Variants in BNC1 observed in about 807,000 individuals in gnomAD.
The protein encoded by BNC1 is zinc finger protein basonuclin-1.
Under a neutral mutation model 66.5 loss-of-function variants are expected in BNC1, and 8 were observed. The observed-to-expected ratio is 0.12, with a 90% CI of 0.07 to 0.22. The LOEUF (loss-of-function observed/expected upper bound fraction) is 0.22, where lower values mean the gene tolerates loss of function less well. Among genes scored for constraint, BNC1 ranks in the 10% least tolerant of loss-of-function variants. The pLI is 1.00. For missense variants in BNC1, 1,069 were observed against 1,241.3 expected, an observed-to-expected ratio of 0.86 and a Z score of 2.09; for synonymous variants, 454 against 452.6, an observed-to-expected ratio of 1.00 and a Z score of -0.04.
chr15:83,264,632 A>G lies in BNC1; in HGVS notation c.619T>C (p.Phe207Leu). The G allele has an allele frequency of 6.2e-7, 1 of 1,614,126 alleles. No homozygotes were observed. Among genetic ancestry groups the G allele is most frequent in the Non-Finnish European group, 8.5e-7 (1 of 1,180,010 alleles). ...CTCCTGTGACTGCAGCTCTCGATGA[A>G]AGCCCTGATATCTACATTTGCTGTG... ...PSTANVDIRA[F>L]IESCSHRSSS... is the part of the protein sequence containing the mutation. The change falls in exon 4 of 5, where the codon TTC (phenylalanine) becomes CTC (leucine). Residue 207 changes from phenylalanine (F) to leucine (L), a missense_variant. Transcript: ENST00000345382.
intron 1 of BNC1, among the ~76,000 whole-genome samples, chr15:83,275,509 A>AAAC (rs2038311757): frequency 6.6e-6 from 1 of 151,510 alleles, no homozygotes; most frequent in Non-Finnish European, 1.5e-5. Context: ...AAAAAAAAAA[A>AAAC]CTAAGAAGAA....
intron 1 of BNC1, among the ~76,000 whole-genome samples, chr15:83,280,347 G>A (rs1403665838): frequency 4.6e-5 from 7 of 152,078 alleles, no homozygotes; most frequent in South Asian, 2.1e-4. Flanking sequence ...GGAACTTTCC[G>A]AACATAGTTG....
Position 83,256,279 on chromosome 15 carries a change from G to A in BNC1, c.*1163C>T, listed in dbSNP as rs1375237705. On this transcript the variant is annotated 3_prime_UTR_variant, in exon 5 of 5. Coordinates refer to ENST00000345382, the MANE Select transcript of BNC1 (RefSeq NM_001717.4). ...TGCAAATGCTGAATTTTAGGAGATGGTTTCATTCCACAGGACTGACTGAAC... is the reference window on the plus strand; with the variant it reads ...TGCAAATGCTGAATTTTAGGAGATGATTTCATTCCACAGGACTGACTGAAC... The A allele has an allele frequency of 6.6e-6, 1 of 152,614 alleles. No homozygotes were observed. Among genetic ancestry groups the A allele is most frequent in the East Asian group, 1.9e-4 (1 of 5,198 alleles). 9.5% of individuals were successfully genotyped at this position (152,614 alleles called of 1,614,324 possible). A position where few individuals can be genotyped will look rare whatever the true frequency, so the allele number is the denominator to read the frequency against.
chr15:83,274,150 C>T (rs1259732490), intron 1 of BNC1, among the ~76,000 whole-genome samples: 2 of 151,976 alleles, frequency 1.3e-5, no homozygotes, highest in Non-Finnish European at 2.9e-5. Context: ...TTTGGGAGGC[C>T]GAGGTGGGTG....
chr15:83,283,231 G>C (rs2038401007), intron 1 of BNC1: 1 of 1,535,548 alleles, frequency 6.5e-7, no homozygotes, highest in African/African-American at 1.4e-5. Flanking sequence ...GTTTGGCTCG[G>C]AGCTACGCGC....
chr15:83,263,707 G>C lies in BNC1; in HGVS notation c.1544C>G (p.Ser515Cys). 6.2e-7 allele frequency: 1 copy of C among 1,614,216 alleles called. No individual in the cohort carries two copies. The highest frequency in any genetic ancestry group is 8.5e-7 in the Non-Finnish European group (1 of 1,180,042). Reference protein sequence around the residue: ...PGILPSLPLLSSSIPEQLISN... With the variant: ...PGILPSLPLLCSSIPEQLISN... ...AATGAGCTGTTCTGGGATTGAAGAG[G>C]ACAACAGCGGGAGGGAAGGGAGTAT... The change falls in exon 4 of 5, where the codon TCC becomes TGC. Residue 515 changes from serine (S) to cysteine (C), a missense_variant. By Grantham distance (112) the Ser-to-Cys change is moderately radical (BLOSUM62 -1). Coordinates refer to ENST00000345382, the MANE Select transcript of BNC1 (RefSeq NM_001717.4).
At chr15:83,270,887 T>C (rs1159689673) in intron 1 of BNC1, among the ~76,000 whole-genome samples, 2 of 152,232 alleles carry the variant, frequency 1.3e-5, no homozygotes, top group African/African-American at 4.8e-5. Flanking sequence ...ATAGCAGTGA[T>C]AGCTGCACAA....
chr15:83,282,565 A>T (rs1175299412), intron 1 of BNC1, among the ~76,000 whole-genome samples: 2 of 152,342 alleles, frequency 1.3e-5, no homozygotes, highest in African/African-American at 4.8e-5. Context: ...TGTATCAACG[A>T]ATCTGGGAAG....
rs868059342 is a variant in BNC1 at position 83,264,539 on chromosome 15, T to G, written c.712A>C (p.Ser238Arg). The change falls in exon 4 of 5, where the codon AGC becomes CGC. Residue 238 changes from serine to arginine, a missense_variant. Coordinates refer to ENST00000345382, the MANE Select transcript of BNC1 (RefSeq NM_001717.4). The stretch of plus-strand genomic sequence containing the variant: ...AAAGGCAGCATGAAAGTCATGTTGC[T>G]TATGAGGTTCTCAAAGGGGTGTATA... ...SSIHPFENLI[S>R]NMTFMLPFQF... 6.2e-7 allele frequency: 1 copy of G among 1,614,110 alleles called. No homozygotes were observed. The highest frequency in any genetic ancestry group is 1.1e-5 in the South Asian group (1 of 91,074).
rs2038224624 is a variant in BNC1 at position 83,267,006 on chromosome 15, C to T, written c.265G>A (p.Val89Ile). The part of the protein sequence containing the change: ...TSQVEIVQSN[V>I]VFDISSLMLY... Reference sequence around the variant, plus strand: ...ATGAGGCTGCTAATATCAAACACTACATTGGACTGGACAATCTCCACCTGG... The same window carrying T: ...ATGAGGCTGCTAATATCAAACACTATATTGGACTGGACAATCTCCACCTGG... The change falls in exon 3 of 5, where the codon GTA (valine) becomes ATA (isoleucine). Residue 89 changes from valine to isoleucine, a missense_variant. Transcript: ENST00000345382. The T allele has an allele frequency of 6.2e-7, 1 of 1,614,138 alleles. No homozygotes were observed. The highest frequency in any genetic ancestry group is 1.3e-5 in the African/African-American group (1 of 75,016).
chr15:83,274,131 TC>T (rs2038295545), intron 1 of BNC1, among the ~76,000 whole-genome samples: 3 of 152,126 alleles, frequency 2.0e-5, no homozygotes, highest in South Asian at 4.1e-4. Flanking sequence ...ACGCCTGTAA[TC>T]CCAGCACTTT....
chr15:83,258,995 T>C (rs955960676), intron 4 of BNC1, among the ~76,000 whole-genome samples: 1 of 152,226 alleles, frequency 6.6e-6, no homozygotes, highest in Non-Finnish European at 1.5e-5. Flanking sequence ...AGAATCCAAT[T>C]GGCTAGAATT....
chr15:83,268,356 T>C (rs184574167), intron 1 of BNC1, 124 bp from the exon 2 acceptor site: 1,131 of 834,610 alleles, frequency 1.4e-3, no homozygotes, highest in Non-Finnish European at 2.0e-3. Flanking sequence ...GCCCACTGTG[T>C]GCCAGGCCCA....
chr15:83,269,428 C>CGT (rs59308826), intron 1 of BNC1, among the ~76,000 whole-genome samples: 15,147 of 150,314 alleles, frequency 0.1, 1,021 homozygotes, highest in African/African-American at 0.19. Context: ...CTGGGAAGTG[C>CGT]GTGTGTGTGT....
chr15:83,263,931 G>C lies in BNC1; in HGVS notation c.1320C>G (p.Cys440Trp). The C allele has an allele frequency of 6.2e-7, 1 of 1,614,178 alleles. No individual in the cohort carries two copies. The highest frequency in any genetic ancestry group is 8.5e-7 in the Non-Finnish European group (1 of 1,180,026). ...LNLASSENYK[C>W]PGFTVTSPDC... ...CTGGGGACGTCACTGTGAAACCTGG[G>C]CACTTGTAGTTCTCAGAGCTGGCCA... The change falls in exon 4 of 5, where the codon TGC becomes TGG. Residue 440 changes from cysteine (C) to tryptophan (W), a missense_variant. Transcript: ENST00000345382.
chr15:83,276,301 T>C (rs575514649), intron 1 of BNC1, among the ~76,000 whole-genome samples: 2 of 152,302 alleles, frequency 1.3e-5, no homozygotes, highest in South Asian at 4.1e-4. Context: ...TAAAAGCCCC[T>C]AAAAAAGTTG....
At position 83,258,108 on chromosome 15, in the gene BNC1, G is replaced by T. The variant is rs1453233120; in HGVS notation, c.2319C>A (p.Asn773Lys). Reference protein sequence around the residue: ...RSRDRHSSNLNLHQKALSQEA... With the variant: ...RSRDRHSSNLKLHQKALSQEA... ...CCTGGCTCAATGCTTTTTGGTGGAG[G>T]TTTAGGTTTGAGCTGTGTCTACAAG... Residue 773 changes from asparagine to lysine, a missense_variant, in exon 5 of 5, where the codon AAC becomes AAA. Physicochemically the swap from Asn to Lys is moderately conservative, Grantham distance 94 (BLOSUM62 0). Coordinates refer to ENST00000345382, the MANE Select transcript of BNC1 (RefSeq NM_001717.4). The T allele has an allele frequency of 7.5e-6, 12 of 1,602,204 alleles. No homozygotes were observed. In the Middle Eastern group the frequency reaches 1.5e-3, roughly 199 times the overall value.
chr15:83,272,735 A>T (rs910621982), intron 1 of BNC1, among the ~76,000 whole-genome samples: 1 of 152,204 alleles, frequency 6.6e-6, no homozygotes, highest in African/African-American at 2.4e-5. Context: ...TCATAGAGGG[A>T]ACAATTCCAA....
intron 1 of BNC1, among the ~76,000 whole-genome samples, chr15:83,273,317 CTAAAGATA>C (rs1435146151): frequency 5.9e-5 from 9 of 152,062 alleles, no homozygotes; most frequent in African/African-American, 2.2e-4. Context: ...GCACCATTAT[CTAAAGATA>C]AATGAAAACT....
Sources: gnomAD v4.1 joint callset for allele counts (sites outside exome capture counted in the v4.1 genomes callset) on GRCh38, gnomAD v4.1.1 for gene constraint, MANE v1.5 for transcripts, NCBI Gene and HGNC (gene_info 2026-07-23, HGNC 2026-07-21) for gene names.